Variants in ANK1 observed in about 807,000 individuals in gnomAD.
The protein encoded by ANK1 is ankyrin 1.
ANK1 carries 51 observed loss-of-function variants against 210.4 expected under a neutral mutation model. The ratio of observed to expected loss-of-function variants is 0.24; its 90% CI spans 0.19 to 0.31. The LOEUF is 0.31. Among genes scored for constraint, ANK1 ranks in the 10% least tolerant of loss-of-function variants. The pLI is 1.00. For synonymous variants in ANK1, 967 were observed against 1,025.9 expected, an observed-to-expected ratio of 0.94 and a Z score of 1.10; for missense variants, 2,051 against 2,504.4, an observed-to-expected ratio of 0.82 and a Z score of 3.86.
chr8:41,726,277 AC>A (rs1265095294), intron 5 of ANK1, among the ~76,000 whole-genome samples: 2 of 152,000 alleles, frequency 1.3e-5, no homozygotes, highest in Non-Finnish European at 2.9e-5. Context: ...TCTCTTTCTC[AC>A]CCCATCTGCT....
chr8:41,825,869 G>A (rs1411450888), intron 1 of ANK1, among the ~76,000 whole-genome samples: 2 of 152,180 alleles, frequency 1.3e-5, no homozygotes, highest in African/African-American at 2.4e-5. Context: ...CATGTAAGAT[G>A]TGCCTTTGCT....
chr8:41,719,947 T>A, intron 9 of ANK1, 89 bp from the exon 10 acceptor site: 1 of 1,424,180 alleles, frequency 7.0e-7, no homozygotes, highest in Non-Finnish European at 9.8e-7. Flanking sequence ...ACTCCCTACT[T>A]CTTCCCTACA....
rs551172361 is a variant in ANK1, at chr8:41,765,035, C to T, written c.28-6898G>A. On this transcript the variant is annotated intron_variant, in intron 1 of 42. Coordinates refer to ENST00000289734, the MANE Select transcript of ANK1 (RefSeq NM_000037.4). ...ATACTTCTTAACTATTGTGCTATAC[C>T]GCTTCCTGGGTCAATCATTTCCCTT... Among the ~76,000 whole-genome samples, 13 of 151,960 alleles carry T rather than the reference C, an allele frequency of 8.6e-5. No homozygotes were observed. The South Asian group carries it at 1.7e-3, about 19-fold the overall frequency.
At chr8:41,856,844 C>T (rs4737018) in intron 1 of ANK1, among the ~76,000 whole-genome samples, 50,249 of 149,168 alleles carry the variant, frequency 0.34, 8,662 homozygotes, top group African/African-American at 0.39. Flanking sequence ...TCAACCACAA[C>T]GGTCTTTCGC....
chr8:41,792,656 C>A (rs1163897226), intron 1 of ANK1, among the ~76,000 whole-genome samples: 1 of 152,060 alleles, frequency 6.6e-6, no homozygotes, highest in Non-Finnish European at 1.5e-5. Context: ...TATAAATAAG[C>A]GGGGAGGTGT....
chr8:41,894,037 T>C (rs942549356), intron 1 of ANK1, among the ~76,000 whole-genome samples: 3 of 152,022 alleles, frequency 2.0e-5, no homozygotes, highest in Non-Finnish European at 1.5e-5. Context: ...GATTTTCAAT[T>C]TTGCTATAAA....
At chr8:41,767,621 C>A (rs2150729067) in intron 1 of ANK1, among the ~76,000 whole-genome samples, 1 of 152,272 alleles carries the variant, frequency 6.6e-6, no homozygotes, top group East Asian at 1.9e-4. Flanking sequence ...AAGCGCTCTC[C>A]GGAGAGCAGG....
chr8:41,859,913 A>C (rs150589675), intron 1 of ANK1, among the ~76,000 whole-genome samples: 2 of 152,356 alleles, frequency 1.3e-5, no homozygotes, highest in East Asian at 3.9e-4. Flanking sequence ...TCTACAGTCC[A>C]GATTCTCTAG....
intron 1 of ANK1, among the ~76,000 whole-genome samples, chr8:41,891,195 C>G (rs1819379356): frequency 6.6e-6 from 1 of 152,144 alleles, no homozygotes. Flanking sequence ...CAAGCTAACA[C>G]CGATGAAGAG....
At chr8:41,859,167 A>C (rs902864883) in intron 1 of ANK1, among the ~76,000 whole-genome samples, 1 of 152,156 alleles carries the variant, frequency 6.6e-6, no homozygotes, top group Non-Finnish European at 1.5e-5. Flanking sequence ...GCAGCAGGAA[A>C]CCTAGGACAG....
intron 2 of ANK1, among the ~76,000 whole-genome samples, chr8:41,751,987 G>C (rs1052886691): frequency 1.3e-5 from 2 of 151,924 alleles, no homozygotes; most frequent in African/African-American, 4.8e-5. Context: ...GTTCCCCCAA[G>C]CAAACCACTC....
At chr8:41,791,437 C>CTCTT (rs1352124509) in intron 1 of ANK1, among the ~76,000 whole-genome samples, 1 of 150,216 alleles carries the variant, frequency 6.7e-6, no homozygotes, top group Non-Finnish European at 1.5e-5. Flanking sequence ...CTTTCTCTCT[C>CTCTT]TCTTTCTTTC....
intron 1 of ANK1, among the ~76,000 whole-genome samples, chr8:41,883,991 A>G (rs1818026294): frequency 6.6e-6 from 1 of 152,170 alleles, no homozygotes. Context: ...CGGCCCAGGG[A>G]ACTGGGAGAT....
chr8:41,703,420 GTGTATATATATATATATATATA>G (rs1244100287), intron 20 of ANK1, among the ~76,000 whole-genome samples: 1 of 51,122 alleles, frequency 2.0e-5, no homozygotes, highest in Non-Finnish European at 4.2e-5. Flanking sequence ...GTGTGTGTGT[GTGTATATATATATATATATATA>G]TATATATATT....
intron 1 of ANK1, among the ~76,000 whole-genome samples, chr8:41,763,144 A>T (rs1429495680): frequency 2.7e-5 from 4 of 150,682 alleles, no homozygotes; most frequent in Non-Finnish European, 5.9e-5. Context: ...TGGACCTGGG[A>T]GGCAGTTTGC....
At chr8:41,763,821 G>A (rs1447581606) in intron 1 of ANK1, among the ~76,000 whole-genome samples, 2 of 149,832 alleles carry the variant, frequency 1.3e-5, no homozygotes, top group Non-Finnish European at 3.0e-5. Flanking sequence ...AGGTCACCTA[G>A]ATAGTTAGCA....
intron 1 of ANK1, among the ~76,000 whole-genome samples, chr8:41,781,459 G>T (rs1845308716): frequency 1.3e-5 from 2 of 152,170 alleles, no homozygotes; most frequent in African/African-American, 2.4e-5. Context: ...CTGCTGCGTG[G>T]GTACCACACC....
intron 40 of ANK1, among the ~76,000 whole-genome samples, chr8:41,662,913 C>T (rs1808977010): frequency 6.6e-6 from 1 of 152,038 alleles, no homozygotes; most frequent in Non-Finnish European, 1.5e-5. Context: ...ATTTTCACTT[C>T]CTTTTAATTA....
intron 1 of ANK1, among the ~76,000 whole-genome samples, chr8:41,775,248 C>T (rs746914285): frequency 1.2e-4 from 18 of 152,182 alleles, no homozygotes; most frequent in Non-Finnish European, 1.6e-4. Flanking sequence ...CTGGAGCAGG[C>T]GGGGCCGACC....
Sources: allele counts gnomAD v4.1 joint callset (sites outside exome capture counted in the v4.1 genomes callset), GRCh38; gene constraint gnomAD v4.1.1; transcripts MANE v1.5; gene names NCBI Gene and HGNC (gene_info 2026-07-23, HGNC 2026-07-21).